The following PXDN variants were observed in gnomAD, a reference collection of about 807,000 sequenced individuals.
PXDN encodes peroxidasin homolog.
Under a neutral mutation model 140.3 loss-of-function variants are expected in PXDN, and 77 were observed. That is an observed-to-expected ratio of 0.55 (90% CI 0.46 to 0.66). The LOEUF (loss-of-function observed/expected upper bound fraction) is 0.66. Among genes scored for constraint, PXDN ranks in the 30% least tolerant of loss-of-function variants. The pLI is 0.00. For synonymous variants in PXDN, 911 were observed against 857.4 expected, an observed-to-expected ratio of 1.06 and a Z score of -1.09; for missense variants, 1,838 against 2,039.5, an observed-to-expected ratio of 0.90 and a Z score of 1.90.
In PXDN at chr2:1,706,417, G is replaced by A. The variant is rs1684608621; in HGVS notation, c.201-13283C>T. Among the ~76,000 whole-genome samples, 3 of 139,152 alleles carry A rather than the reference G, an allele frequency of 2.2e-5. No individual in the cohort carries two copies. In the South Asian group the frequency reaches 7.0e-4, roughly 33 times the overall value. 91.3% of individuals were successfully genotyped at this position (139,152 alleles called of 152,430 possible). A position where few individuals can be genotyped will look rare whatever the true frequency, so the allele number is the denominator to read the frequency against. On this transcript the variant is annotated intron_variant, in intron 1 of 22. Transcript: ENST00000252804. Reference sequence around the variant, plus strand: ...ATCCTGCTGGCATTGCCAGAAGCCAGTCACCTGCCCCACTAATAATACAAC... The same window carrying A: ...ATCCTGCTGGCATTGCCAGAAGCCAATCACCTGCCCCACTAATAATACAAC...
Position 1,639,252 on chromosome 2 carries a change from G to C in PXDN, c.4073+50C>G. 3.2e-6 allele frequency: 5 copies of C among 1,578,346 alleles called. No individual in the cohort carries two copies. Among genetic ancestry groups the C allele is most frequent in the Non-Finnish European group, 4.3e-6 (5 of 1,161,706 alleles). On this transcript the variant is annotated intron_variant, in intron 20 of 22. Coordinates refer to ENST00000252804, the MANE Select transcript of PXDN (RefSeq NM_012293.3). The surrounding 1 kb of genome is among the most constrained non-coding windows in gnomAD (Gnocchi z 5.0). ...ATGCCGGTCCTACTGCCCGACGCCC[G>C]CGGTGCGAGGGCCCCTCTGCACATC...
intron 1 of PXDN, among the ~76,000 whole-genome samples, chr2:1,703,596 A>G (rs1346497030): frequency 5.0e-5 from 1 of 19,810 alleles, no homozygotes; most frequent in African/African-American, 4.3e-4. Context: ...AGGGGGGGCA[A>G]CTCCAGGTGA....
At chr2:1,661,147 A>C in intron 13 of PXDN, 110 bp from the exon 14 acceptor site, 3 of 1,318,626 alleles carry the variant, frequency 2.3e-6, no homozygotes, top group Non-Finnish European at 3.2e-6. Context: ...CAAATGGAGA[A>C]GCTCCCAGGC....
At chr2:1,743,939 C>G (rs1186747492) in intron 1 of PXDN, among the ~76,000 whole-genome samples, 1 of 151,660 alleles carries the variant, frequency 6.6e-6, no homozygotes, top group Non-Finnish European at 1.5e-5. Context: ...GGGGGGAGCC[C>G]CGGAGGCTCC....
rs1286150176 is a variant in PXDN, at chr2:1,743,501, C to CG, written c.200+754dup. Among the ~76,000 whole-genome samples the CG allele has an allele frequency of 5.0e-3, 753 of 150,220 alleles. 6 individuals carry two copies. The highest frequency in any genetic ancestry group is 0.035 in the South Asian group (162 of 4,580). On this transcript the variant is annotated intron_variant, in intron 1 of 22. Transcript: ENST00000252804. ...CAGGAGAGGACGCTCCGGGCAGATG[C>CG]GGGGGCACTGGGAGCGGGGGCGCCG...
At chr2:1,654,801 A>T (rs1683092562) in intron 14 of PXDN, among the ~76,000 whole-genome samples, 1 of 152,172 alleles carries the variant, frequency 6.6e-6, no homozygotes, top group South Asian at 2.1e-4. Context: ...AGCATGTGGG[A>T]GGTGTGGACT....
upstream of PXDN, chr2:1,744,588 G>A: frequency 1.3e-6 from 1 of 745,112 alleles, no homozygotes; most frequent in Non-Finnish European, 1.8e-6. Flanking sequence ...CATGCGCGAG[G>A]CTCCTCCCGG....
chr2:1,643,724 A>G, intron 18 of PXDN, 148 bp from the exon 19 acceptor site: 2 of 753,822 alleles, frequency 2.7e-6, no homozygotes, highest in Non-Finnish European at 4.4e-6. Context: ...GGACTCACAC[A>G]CTGCTCACAT....
chr2:1,673,668 C>G lies in PXDN; in HGVS notation c.993G>C (p.Val331=). The G allele has an allele frequency of 6.2e-7, 1 of 1,613,274 alleles. No individual in the cohort carries two copies. Among genetic ancestry groups the G allele is most frequent in the South Asian group, 1.1e-5 (1 of 90,942 alleles). ...NVAGEVKTQE[V]TLRYFGSPAR... ...CTGGAGACCCGAAGTACCTGAGGGT[C>G]ACCTCTTGCGTCTTCACCTCTCCGG... Residue 331 remains valine (V), a synonymous_variant, in exon 9 of 23, where the codon GTG becomes GTC. Transcript: ENST00000252804.
At position 1,644,760 on chromosome 2, in the gene PXDN, A is replaced by C; in HGVS notation, c.3609-8T>G. 1 of 1,498,842 alleles carries C rather than the reference A, an allele frequency of 6.7e-7. No individual in the cohort carries two copies. The highest frequency in any genetic ancestry group is 9.0e-7 in the Non-Finnish European group (1 of 1,115,084). 92.8% of individuals were successfully genotyped at this position (1,498,842 alleles called of 1,614,324 possible). On this transcript the variant is annotated splice_region_variant and splice_polypyrimidine_tract_variant and intron_variant, in intron 17 of 22. Transcript: ENST00000252804. ...AGTGTCGAGCCATACAACCTAAAAA[A>C]TAAAGAGAAAACTGAAATCTACCTA... is the stretch of plus-strand genomic sequence containing the variant.
At chr2:1,716,888 T>G (rs892306733) in intron 1 of PXDN, among the ~76,000 whole-genome samples, 3 of 152,130 alleles carry the variant, frequency 2.0e-5, no homozygotes, top group African/African-American at 7.2e-5. Context: ...TTCAGATAAG[T>G]GGGTCCCTGT....
rs567462134 is a variant in PXDN at position 1,701,920 on chromosome 2, G to T, written c.201-8786C>A. ...CTTCTCTGAACCCGGGTGGCCCTCA[G>T]CAGACACCCAATTGGCTGGTGCTTG... On this transcript the variant is annotated intron_variant, in intron 1 of 22. Coordinates refer to ENST00000252804, the MANE Select transcript of PXDN (RefSeq NM_012293.3). Among the ~76,000 whole-genome samples the T allele has an allele frequency of 3.3e-4, 51 of 152,258 alleles. 1 individual carries two copies. In the South Asian group the frequency reaches 0.01, roughly 31 times the overall value.
intron 1 of PXDN, among the ~76,000 whole-genome samples, chr2:1,719,766 C>T (rs1223298121): frequency 1.3e-5 from 2 of 151,594 alleles, no homozygotes; most frequent in Admixed American, 6.6e-5. Flanking sequence ...TGACACACAT[C>T]GTGAACACTG....
intron 10 of PXDN, 110 bp downstream of exon 10, chr2:1,666,104 T>C: frequency 7.1e-7 from 1 of 1,404,270 alleles, no homozygotes; most frequent in Non-Finnish European, 9.7e-7. Flanking sequence ...CCGAGTGAAG[T>C]GGACAGGGCA....
At chr2:1,710,554 C>A (rs1367517239) in intron 1 of PXDN, among the ~76,000 whole-genome samples, 1 of 137,660 alleles carries the variant, frequency 7.3e-6, no homozygotes, top group Non-Finnish European at 1.6e-5. Flanking sequence ...CCACCAGCAC[C>A]CACTCTCCAC....
At chr2:1,741,351 C>CTTA (rs780657815) in intron 1 of PXDN, among the ~76,000 whole-genome samples, 32 of 152,238 alleles carry the variant, frequency 2.1e-4, no homozygotes, top group Admixed American at 8.5e-4. Flanking sequence ...CACAGCTGAA[C>CTTA]TAAGTAAGGC....
Position 1,699,238 on chromosome 2 carries a change from T to G in PXDN, c.201-6104A>C, listed in dbSNP as rs552839087. Among the ~76,000 whole-genome samples, 4 of 152,330 alleles carry G rather than the reference T, an allele frequency of 2.6e-5. No homozygotes were observed. In the East Asian group the frequency reaches 7.7e-4, roughly 29 times the overall value. On this transcript the variant is annotated intron_variant, in intron 1 of 22. Transcript: ENST00000252804. ...CAGTAAACTAAAATGCACAGACCAC[T>G]TGGTAATGCTTAATTTAATCATGCC...
intron 11 of PXDN, 142 bp from the exon 12 acceptor site, chr2:1,663,905 C>G: frequency 1.0e-6 from 1 of 976,336 alleles, no homozygotes; most frequent in Non-Finnish European, 1.5e-6. Flanking sequence ...ATAAGCAAAT[C>G]TTTGCCTCCC....
chr2:1,683,563 C>T (rs1683971880), intron 6 of PXDN, 93 bp downstream of exon 6: 2 of 543,972 alleles, frequency 3.7e-6, no homozygotes, highest in Admixed American at 1.2e-4. Context: ...TTGTTATCAA[C>T]ATTTCACAAT....
Sources: allele counts gnomAD v4.1 joint callset (sites outside exome capture counted in the v4.1 genomes callset), GRCh38; gene constraint gnomAD v4.1.1; non-coding constraint Gnocchi (gnomAD v3.1); transcripts MANE v1.5; gene names NCBI Gene and HGNC (gene_info 2026-07-23, HGNC 2026-07-21).